INPP4A: variants seen among roughly 807,000 people sequenced by gnomAD.
INPP4A encodes the protein inositol polyphosphate-4-phosphatase type I A.
In INPP4A, 33 loss-of-function variants were observed where a neutral mutation model predicts 119.8. The observed-to-expected ratio is 0.28, with a 90% CI of 0.21 to 0.37. The LOEUF (loss-of-function observed/expected upper bound fraction) is 0.37, where lower values mean the gene tolerates loss of function less well. Ranked by LOEUF, INPP4A falls within the 10% of genes least tolerant of loss-of-function variation. INPP4A has a pLI of 1.00. For synonymous variants in INPP4A, 496 were observed against 500.7 expected, an observed-to-expected ratio of 0.99 and a Z score of 0.12; for missense variants, 956 against 1,289.9, an observed-to-expected ratio of 0.74 and a Z score of 3.97.
intron 1 of INPP4A, among the ~76,000 whole-genome samples, chr2:98,486,105 C>T (rs1447888453): frequency 6.6e-6 from 1 of 152,086 alleles, no homozygotes; most frequent in Admixed American, 6.6e-5. Flanking sequence ...GGAGGTTTCT[C>T]CTCTCTATAA....
At chr2:98,516,448 T>C (rs1574864032) in intron 1 of INPP4A, among the ~76,000 whole-genome samples, 1 of 151,888 alleles carries the variant, frequency 6.6e-6, no homozygotes, top group Non-Finnish European at 1.5e-5. Flanking sequence ...AGCAGGCTGG[T>C]GGAGTGGGCA....
In INPP4A at chr2:98,475,818, C is replaced by T. The variant is rs941477766; in HGVS notation, c.-166+30733C>T. Among the ~76,000 whole-genome samples, 6 of 151,470 alleles carry T rather than the reference C, an allele frequency of 4.0e-5. No individual in the cohort carries two copies. In the South Asian group the frequency reaches 8.4e-4, roughly 21 times the overall value. ...AGTGGGCAGGGATGGGCCTCTGGGG[C>T]GGGGGGAGCCTGTGTGTCCACCTTG... is the stretch of plus-strand genomic sequence containing the variant. On this transcript the variant is annotated intron_variant, in intron 1 of 24. Transcript: ENST00000409851.
chr2:98,548,642 TTC>T (rs1232261371), intron 13 of INPP4A, among the ~76,000 whole-genome samples: 3 of 152,196 alleles, frequency 2.0e-5, no homozygotes, highest in African/African-American at 7.2e-5. Context: ...ATATATAAGT[TTC>T]TATTTAATTT....
chr2:98,514,394 G>C (rs1333069893), intron 1 of INPP4A, among the ~76,000 whole-genome samples: 1 of 152,124 alleles, frequency 6.6e-6, no homozygotes, highest in Non-Finnish European at 1.5e-5. Context: ...AGAATCTCTG[G>C]AGCGGTAAGA....
intron 22 of INPP4A, among the ~76,000 whole-genome samples, chr2:98,572,563 G>T (rs1381960348): frequency 6.6e-6 from 1 of 152,248 alleles, no homozygotes; most frequent in African/African-American, 2.4e-5. Flanking sequence ...AGGTGATTCG[G>T]TGGCCATTCC....
At chr2:98,540,252 C>T (rs1302752410) in intron 10 of INPP4A, among the ~76,000 whole-genome samples, 1 of 152,090 alleles carries the variant, frequency 6.6e-6, no homozygotes, top group Admixed American at 6.5e-5. Context: ...TCTTTTCTTT[C>T]CCCTCTCACT....
At chr2:98,501,962 C>G (rs912746595) in intron 1 of INPP4A, among the ~76,000 whole-genome samples, 5 of 152,226 alleles carry the variant, frequency 3.3e-5, no homozygotes, top group African/African-American at 1.2e-4. Context: ...GCAGGTTTCT[C>G]TGACTGATCC....
At chr2:98,498,134 CA>C (rs1682405246) in intron 1 of INPP4A, among the ~76,000 whole-genome samples, 1 of 151,962 alleles carries the variant, frequency 6.6e-6, no homozygotes. Context: ...TGATAGGGGC[CA>C]GGGGTGGAAT....
At chr2:98,516,903 G>T (rs1686239814) in intron 1 of INPP4A, among the ~76,000 whole-genome samples, 1 of 151,996 alleles carries the variant, frequency 6.6e-6, no homozygotes, top group African/African-American at 2.4e-5. Context: ...AGCAAAGGTG[G>T]GCTATTTCTT....
At chr2:98,508,947 G>A (rs1436087090) in intron 1 of INPP4A, among the ~76,000 whole-genome samples, 1 of 152,164 alleles carries the variant, frequency 6.6e-6, no homozygotes, top group Non-Finnish European at 1.5e-5. Context: ...GGAACACTGG[G>A]TTGATTCACC....
intron 24 of INPP4A, 140 bp downstream of exon 24, chr2:98,577,283 C>T (rs1346344857): frequency 2.3e-6 from 2 of 869,016 alleles, no homozygotes; most frequent in East Asian, 2.9e-5. Flanking sequence ...GTTTGACAAA[C>T]CCGTCAAACT....
At chr2:98,540,281 A>G (rs1024177959) in intron 10 of INPP4A, among the ~76,000 whole-genome samples, 1 of 152,184 alleles carries the variant, frequency 6.6e-6, no homozygotes, top group Admixed American at 6.5e-5. Flanking sequence ...AGAAAGTTAG[A>G]AATAACTGGT....
intron 4 of INPP4A, among the ~76,000 whole-genome samples, chr2:98,524,424 A>C (rs1687814823): frequency 6.6e-6 from 1 of 152,214 alleles, no homozygotes; most frequent in Non-Finnish European, 1.5e-5. Flanking sequence ...GCCAGGAATC[A>C]AACCCTGGTT....
intron 1 of INPP4A, among the ~76,000 whole-genome samples, chr2:98,463,942 C>T (rs1002666862): frequency 1.3e-5 from 2 of 152,188 alleles, no homozygotes; most frequent in African/African-American, 4.8e-5. Context: ...AGTCAGTTGG[C>T]TTAGGGTACA....
intron 13 of INPP4A, chr2:98,548,963 A>C: frequency 1.9e-6 from 3 of 1,611,748 alleles, no homozygotes; most frequent in South Asian, 2.2e-5. Flanking sequence ...AGTTTTGAGG[A>C]GTGTTGGTGA....
chr2:98,460,420 G>C (rs138582842), intron 1 of INPP4A, among the ~76,000 whole-genome samples: 231 of 152,174 alleles, frequency 1.5e-3, no homozygotes, highest in African/African-American at 5.3e-3. Context: ...CAGATCACCC[G>C]GGGGGCTCGA....
At chr2:98,576,873 T>G (rs1575163344) in intron 23 of INPP4A, 116 bp from the exon 24 acceptor site, 5 of 1,238,290 alleles carry the variant, frequency 4.0e-6, no homozygotes, top group Admixed American at 2.3e-5. Context: ...CAGGCCTGGG[T>G]GTTGAGTTTC....
intron 24 of INPP4A, among the ~76,000 whole-genome samples, chr2:98,584,534 G>C (rs1699731511): frequency 6.6e-6 from 1 of 152,268 alleles, no homozygotes; most frequent in African/African-American, 2.4e-5. Context: ...AGGCCGAGGA[G>C]CCCCTCCCAG....
chr2:98,499,978 A>T (rs1682792124), intron 1 of INPP4A, among the ~76,000 whole-genome samples: 1 of 152,184 alleles, frequency 6.6e-6, no homozygotes, highest in Non-Finnish European at 1.5e-5. Context: ...GCGGAGCCAT[A>T]TAAGATGTCA....
Sources: allele counts gnomAD v4.1 joint callset (sites outside exome capture counted in the v4.1 genomes callset), GRCh38; gene constraint gnomAD v4.1.1; transcripts MANE v1.5; gene names NCBI Gene and HGNC (gene_info 2026-07-23, HGNC 2026-07-21).